Variants in PTPRT observed in about 807,000 individuals in gnomAD.
PTPRT encodes the protein protein tyrosine phosphatase receptor type T.
Under a neutral mutation model 176.8 loss-of-function variants are expected in PTPRT, and 56 were observed. The observed-to-expected ratio is 0.32, with a 90% CI of 0.26 to 0.40. The LOEUF (loss-of-function observed/expected upper bound fraction) is 0.40, where lower values mean the gene tolerates loss of function less well. Among genes scored for constraint, PTPRT ranks in the 10% least tolerant of loss-of-function variants. The probability of loss-of-function intolerance (pLI) is 1.00; values close to 1 mark genes in which losing one functional copy is unlikely to be tolerated. For synonymous variants in PTPRT, 783 were observed against 739.0 expected (o/e 1.06, Z -0.96); for missense variants, 1,540 against 1,908.2 (o/e 0.81, Z 3.60).
chr20:42,370,058 CA>C (rs11474971), intron 9 of PTPRT, among the ~76,000 whole-genome samples: 43,202 of 151,904 alleles, frequency 0.28, 6,630 homozygotes, highest in East Asian at 0.58. Context: ...TTACCCATCC[CA>C]AATCCTGTAA....
chr20:42,262,288 A>T (rs894571693), intron 13 of PTPRT, among the ~76,000 whole-genome samples: 3 of 152,208 alleles, frequency 2.0e-5, no homozygotes, highest in Admixed American at 6.5e-5. Flanking sequence ...AGGGTAGAAG[A>T]AGTGGCCAGT....
At position 42,378,271 on chromosome 20, in the gene PTPRT, G is replaced by A. The variant is rs566675524; in HGVS notation, c.1561-25986C>T. ...GATAAACATCTCTTAAATATATTAG[G>A]AGTCTTTGATTCTTTTTCTGTTCTC... On this transcript the variant is annotated intron_variant, in intron 9 of 30. Transcript: ENST00000373187. 2.0e-5 allele frequency among the ~76,000 whole-genome samples: 3 copies of A among 152,230 alleles called. No individual in the cohort carries two copies. The East Asian group carries it at 5.8e-4, about 29-fold the overall frequency.
At chr20:42,271,593 T>C (rs1431662492) in intron 13 of PTPRT, among the ~76,000 whole-genome samples, 1 of 152,200 alleles carries the variant, frequency 6.6e-6, no homozygotes, top group East Asian at 1.9e-4. Context: ...TCAGTGAATA[T>C]TTGTTGAATA....
At chr20:42,515,001 C>T (rs1390242403) in intron 7 of PTPRT, among the ~76,000 whole-genome samples, 1 of 152,140 alleles carries the variant, frequency 6.6e-6, no homozygotes. Context: ...ATATCCTCTT[C>T]TGTAAAAATC....
At chr20:42,762,025 G>A (rs1318989761) in intron 5 of PTPRT, among the ~76,000 whole-genome samples, 1 of 152,156 alleles carries the variant, frequency 6.6e-6, no homozygotes, top group Non-Finnish European at 1.5e-5. Context: ...TGCAGAAAAT[G>A]ACTGCTTCAC....
intron 9 of PTPRT, among the ~76,000 whole-genome samples, chr20:42,356,568 T>G (rs1383509667): frequency 6.6e-6 from 1 of 151,950 alleles, no homozygotes; most frequent in Non-Finnish European, 1.5e-5. Context: ...TGGTGGTGCA[T>G]GCCTGTAACC....
chr20:42,438,996 C>T (rs1311676397), intron 9 of PTPRT, among the ~76,000 whole-genome samples: 1 of 152,216 alleles, frequency 6.6e-6, no homozygotes, highest in East Asian at 1.9e-4. Context: ...AACTTCTTTT[C>T]CTTCCAGACT....
chr20:42,770,794 A>G (rs1161575085), intron 5 of PTPRT, among the ~76,000 whole-genome samples: 6 of 152,180 alleles, frequency 3.9e-5, no homozygotes, highest in African/African-American at 1.2e-4. Context: ...ATTAAAAGAC[A>G]AAGTTTGTTA....
At chr20:42,053,939 G>A in the PTPRT span, among the ~76,000 whole-genome samples, 148 of 152,256 alleles carry the variant, frequency 9.7e-4, 1 homozygote, top group African/African-American at 3.4e-3. Context: ...TCAGATTTGG[G>A]GGTCAGTTTG....
At chr20:42,442,371 T>C (rs2059324097) in intron 9 of PTPRT, among the ~76,000 whole-genome samples, 4 of 152,202 alleles carry the variant, frequency 2.6e-5, no homozygotes, top group Non-Finnish European at 5.9e-5. Flanking sequence ...TCTGACCTAT[T>C]GTACCTTTTA....
chr20:42,279,794 A>G (rs1489044117), intron 13 of PTPRT, among the ~76,000 whole-genome samples: 2 of 152,176 alleles, frequency 1.3e-5, no homozygotes, highest in African/African-American at 2.4e-5. Context: ...TACAACTGGC[A>G]ACCATCTGGT....
intron 27 of PTPRT, among the ~76,000 whole-genome samples, chr20:42,091,544 A>G (rs1430768800): frequency 3.9e-5 from 6 of 152,240 alleles, no homozygotes; most frequent in Non-Finnish European, 8.8e-5. Flanking sequence ...TTTATTTATT[A>G]AGGCCCCTGC....
At chr20:43,064,842 T>C (rs1262615744) in intron 1 of PTPRT, among the ~76,000 whole-genome samples, 1 of 152,212 alleles carries the variant, frequency 6.6e-6, no homozygotes, top group Non-Finnish European at 1.5e-5. Flanking sequence ...AGTGTCAAGA[T>C]CCAACAGGCC....
chr20:42,455,898 T>C (rs1820470302), intron 8 of PTPRT, among the ~76,000 whole-genome samples: 1 of 152,106 alleles, frequency 6.6e-6, no homozygotes, highest in South Asian at 2.1e-4. Flanking sequence ...CTGTCTTGGG[T>C]ACTCTTACCT....
At chr20:43,089,525 G>C (rs189081481) in intron 1 of PTPRT, among the ~76,000 whole-genome samples, 7 of 152,310 alleles carry the variant, frequency 4.6e-5, no homozygotes, top group African/African-American at 1.7e-4. Flanking sequence ...TGATATCCCA[G>C]TAAATAACTA....
At chr20:43,094,391 CT>C (rs71335878) in intron 1 of PTPRT, among the ~76,000 whole-genome samples, 808 of 64,638 alleles carry the variant, frequency 0.013, 7 homozygotes, top group African/African-American at 0.046. Context: ...CGGCCTCTTT[CT>C]TTTTTTTTTT....
chr20:42,461,465 A>G (rs1286311638), intron 8 of PTPRT, among the ~76,000 whole-genome samples: 1 of 152,176 alleles, frequency 6.6e-6, no homozygotes. Flanking sequence ...TGAGCCCAGG[A>G]GTCAGAGGAT....
Position 42,780,696 on chromosome 20 carries a change from C to A in PTPRT, c.487-397G>T, listed in dbSNP as rs151317218. Among the ~76,000 whole-genome samples, 4 of 152,224 alleles carry A rather than the reference C, an allele frequency of 2.6e-5. No individual in the cohort carries two copies. The East Asian group carries it at 7.7e-4, about 29-fold the overall frequency. ...TTTCTTATGAAGGATAAGATAGATG[C>A]CTACCTTGGAAGCTACCATAAGCCA... On this transcript the variant is annotated intron_variant, in intron 3 of 30. Coordinates refer to ENST00000373187, the MANE Select transcript of PTPRT (RefSeq NM_007050.6).
intron 12 of PTPRT, among the ~76,000 whole-genome samples, chr20:42,305,408 C>A (rs2057531291): frequency 6.6e-6 from 1 of 151,736 alleles, no homozygotes; most frequent in African/African-American, 2.4e-5. Context: ...TACATACATA[C>A]TCATATATAC....
Sources: gnomAD v4.1 joint callset for allele counts (sites outside exome capture counted in the v4.1 genomes callset) on GRCh38, gnomAD v4.1.1 for gene constraint, MANE v1.5 for transcripts, NCBI Gene and HGNC (gene_info 2026-07-23, HGNC 2026-07-21) for gene names.